FAM171B: variants seen among roughly 807,000 people sequenced by gnomAD.
FAM171B encodes the protein family with sequence similarity 171 member B, also known as protein FAM171B.
Under a neutral mutation model 75.6 loss-of-function variants are expected in FAM171B, and 19 were observed. The ratio of observed to expected loss-of-function variants is 0.25; its 90% CI spans 0.18 to 0.37. FAM171B has a LOEUF of 0.37. Among genes scored for constraint, FAM171B ranks in the 10% least tolerant of loss-of-function variants. The pLI is 1.00. For missense variants in FAM171B, 848 were observed against 982.4 expected, an observed-to-expected ratio of 0.86 and a Z score of 1.83; for synonymous variants, 367 against 361.7, an observed-to-expected ratio of 1.01 and a Z score of -0.17.
intron 1 of FAM171B, among the ~76,000 whole-genome samples, chr2:186,727,541 T>C (rs974646940): frequency 4.6e-5 from 7 of 152,144 alleles, no homozygotes; most frequent in Non-Finnish European, 7.4e-5. Context: ...AGTGTAGCCA[T>C]AGGTAATGTA....
In FAM171B at chr2:186,694,488, T is replaced by C. The variant is rs968465847; in HGVS notation, c.238+77T>C. 18 of 1,502,214 alleles carry C rather than the reference T, an allele frequency of 1.2e-5. No homozygotes were observed. In the Admixed American group the frequency reaches 1.4e-4, roughly 12 times the overall value. The allele number at this position is 1,502,214 out of a possible 1,614,324, so 93.1% of individuals were successfully genotyped here. On this transcript the variant is annotated intron_variant, in intron 1 of 7. Coordinates refer to ENST00000304698, the MANE Select transcript of FAM171B (RefSeq NM_177454.4). Reference sequence around the variant, plus strand: ...AGGGCCTCGCCGGCTTCCTCGCCCCTTCCCTATCCATTCCTATCCTCGTTC... The same window carrying C: ...AGGGCCTCGCCGGCTTCCTCGCCCCCTCCCTATCCATTCCTATCCTCGTTC...
intron 1 of FAM171B, among the ~76,000 whole-genome samples, chr2:186,725,728 G>C (rs1471635003): frequency 6.6e-6 from 1 of 152,184 alleles, no homozygotes; most frequent in Admixed American, 6.5e-5. Flanking sequence ...TGGGCTGAAG[G>C]CTCTTCTGTC....
intron 1 of FAM171B, among the ~76,000 whole-genome samples, chr2:186,705,898 A>G (rs1414589794): frequency 6.6e-6 from 1 of 152,190 alleles, no homozygotes; most frequent in Non-Finnish European, 1.5e-5. Context: ...AAATCGCATG[A>G]CTTGAAATTG....
chr2:186,738,341 G>A lies in FAM171B; in HGVS notation c.239-1887G>A, dbSNP rs113166342. 7.4e-3 allele frequency among the ~76,000 whole-genome samples: 1,119 copies of A among 152,128 alleles called. 15 individuals are homozygous for A. Among genetic ancestry groups the A allele is most frequent in the African/African-American group, 0.026 (1,067 of 41,488 alleles). ...ACACAGACACTGGAGAATATGTAGG[G>A]CAGAGAAGAATTTTATTGAGCAACA... On this transcript the variant is annotated intron_variant, in intron 1 of 7. Transcript: ENST00000304698.
rs750932658 is a variant in FAM171B, at chr2:186,694,372, A to G, written c.199A>G (p.Thr67Ala). Residue 67 changes from threonine (T) to alanine (A), a missense_variant, in exon 1 of 8, where the codon ACA (threonine) becomes GCA (alanine). Physicochemically the swap from Thr to Ala is moderately conservative, Grantham distance 58. Transcript: ENST00000304698. Reference protein sequence around the residue: ...KQLEEAEEERTEVPGATSTLT... With the variant: ...KQLEEAEEERAEVPGATSTLT... ...GCTGGAGGAGGCTGAGGAGGAGAGGACAGAGGTGCCTGGGGCAACCTCCAC... is the reference window on the plus strand; with the variant it reads ...GCTGGAGGAGGCTGAGGAGGAGAGGGCAGAGGTGCCTGGGGCAACCTCCAC... 27 of 1,612,898 alleles carry G rather than the reference A, an allele frequency of 1.7e-5. No individual in the cohort carries two copies. The highest frequency in any genetic ancestry group is 2.2e-5 in the Non-Finnish European group (26 of 1,179,644).
In FAM171B at chr2:186,714,968, A is replaced by G. The variant is rs561889800; in HGVS notation, c.238+20557A>G. Among the ~76,000 whole-genome samples the G allele has an allele frequency of 2.6e-5, 4 of 152,374 alleles. No individual in the cohort carries two copies. The South Asian group carries it at 6.2e-4, about 24-fold the overall frequency. On this transcript the variant is annotated intron_variant, in intron 1 of 7. Coordinates refer to ENST00000304698, the MANE Select transcript of FAM171B (RefSeq NM_177454.4). The stretch of plus-strand genomic sequence containing the variant: ...TCTCAGGCTTTGTCAGAAGAGCAAG[A>G]ATTAGAAAAATTTACTTCAGAGGTG...
chr2:186,740,616 T>C (rs1690276581), intron 2 of FAM171B, among the ~76,000 whole-genome samples, 155 bp downstream of exon 2: 2 of 152,148 alleles, frequency 1.3e-5, no homozygotes, highest in South Asian at 4.1e-4. Flanking sequence ...GAAGAAAACA[T>C]TGTCTTAGTC....
chr2:186,764,214 C>T lies in FAM171B; in HGVS notation c.*1391C>T, dbSNP rs968548715. 6.6e-6 allele frequency: 1 copy of T among 151,980 alleles called. No individual in the cohort carries two copies. Among genetic ancestry groups the T allele is most frequent in the Admixed American group, 6.6e-5 (1 of 15,226 alleles). 9.4% of individuals were successfully genotyped at this position (151,980 alleles called of 1,614,324 possible). ...CCTAAATTGCTTTATTTTTCATTCC[C>T]TCCTATTCAACATGGGAGCAGCATA... On this transcript the variant is annotated 3_prime_UTR_variant, in exon 8 of 8. Transcript: ENST00000304698.
Position 186,761,518 on chromosome 2 carries a change from C to T in FAM171B, c.1176C>T (p.Ile392=). Residue 392 remains isoleucine, a synonymous_variant, in exon 8 of 8, where the codon ATC becomes ATT. Transcript: ENST00000304698. The part of the protein sequence containing the change: ...CGTPQKRERN[I]TKLEVLKRDQ... ...CTCCACAGAAAAGAGAAAGAAATAT[C>T]ACTAAACTTGAGGTCCTCAAGAGAG... 1.3e-6 allele frequency: 2 copies of T among 1,588,724 alleles called. No individual in the cohort carries two copies. The highest frequency in any genetic ancestry group is 8.5e-7 in the Non-Finnish European group (1 of 1,172,808).
At chr2:186,761,063 G>T in intron 6 of FAM171B, 50 bp from the exon 7 acceptor site, 1 of 1,565,454 alleles carries the variant, frequency 6.4e-7, no homozygotes, top group African/African-American at 1.4e-5. Flanking sequence ...ACATAGTTGA[G>T]AATTTGATCT....
At chr2:186,701,544 A>G (rs1359213594) in intron 1 of FAM171B, among the ~76,000 whole-genome samples, 2 of 152,176 alleles carry the variant, frequency 1.3e-5, no homozygotes, top group African/African-American at 4.8e-5. Flanking sequence ...CATCCATGAA[A>G]GCACTTATTT....
At chr2:186,741,626 GA>G (rs935503876) in intron 2 of FAM171B, among the ~76,000 whole-genome samples, 1 of 152,020 alleles carries the variant, frequency 6.6e-6, no homozygotes, top group Non-Finnish European at 1.5e-5. Flanking sequence ...TACACACTTA[GA>G]TTTTTTTACC....
intron 1 of FAM171B, among the ~76,000 whole-genome samples, chr2:186,722,006 A>G (rs1689960884): frequency 6.6e-6 from 1 of 152,162 alleles, no homozygotes; most frequent in Non-Finnish European, 1.5e-5. Flanking sequence ...ATTTATTTTC[A>G]TGAAGTATTT....
At position 186,694,266 on chromosome 2, in the gene FAM171B, A is replaced by G; in HGVS notation, c.93A>G (p.Arg31=). 6.2e-7 allele frequency: 1 copy of G among 1,611,760 alleles called. No individual in the cohort carries two copies. Among genetic ancestry groups the G allele is most frequent in the Middle Eastern group, 1.7e-4 (1 of 6,054 alleles). Residue 31 remains arginine, a synonymous_variant, in exon 1 of 8, where the codon AGA becomes AGG. Coordinates refer to ENST00000304698, the MANE Select transcript of FAM171B (RefSeq NM_177454.4). The part of the protein sequence containing the change: ...LKARLVPAAA[R]AELSRSDLSL... Reference sequence around the variant, plus strand: ...CGCGGCTGGTCCCCGCGGCCGCCAGAGCGGAACTCAGCCGCTCCGACCTCA... The same window carrying G: ...CGCGGCTGGTCCCCGCGGCCGCCAGGGCGGAACTCAGCCGCTCCGACCTCA...
intron 3 of FAM171B, among the ~76,000 whole-genome samples, chr2:186,745,465 G>A (rs977619402): frequency 2.0e-5 from 3 of 152,212 alleles, no homozygotes; most frequent in Admixed American, 6.5e-5. Flanking sequence ...GCCTTGGCAG[G>A]TTTCCGTGAG....
chr2:186,710,800 T>C (rs1689800445), intron 1 of FAM171B, among the ~76,000 whole-genome samples: 1 of 152,168 alleles, frequency 6.6e-6, no homozygotes, highest in African/African-American at 2.4e-5. Context: ...ACATTGGAAT[T>C]GGGTAATGAA....
chr2:186,749,504 T>C (rs1005201380), intron 4 of FAM171B, among the ~76,000 whole-genome samples: 21 of 152,212 alleles, frequency 1.4e-4, no homozygotes, highest in African/African-American at 5.1e-4. Context: ...GCCTATAAAA[T>C]ATGTATGGCA....
chr2:186,733,501 C>G (rs1690150212), intron 1 of FAM171B, among the ~76,000 whole-genome samples: 1 of 152,186 alleles, frequency 6.6e-6, no homozygotes, highest in Non-Finnish European at 1.5e-5. Flanking sequence ...GCTGGTGGCT[C>G]CTTTGCCCAA....
chr2:186,701,418 G>A (rs531606947), intron 1 of FAM171B, among the ~76,000 whole-genome samples: 46 of 152,122 alleles, frequency 3.0e-4, no homozygotes, highest in African/African-American at 1.0e-3. Context: ...TCTAACTATA[G>A]TCCTCATGCT....
Sources: gnomAD v4.1 joint callset for allele counts (sites outside exome capture counted in the v4.1 genomes callset) on GRCh38, gnomAD v4.1.1 for gene constraint, MANE v1.5 for transcripts, NCBI Gene and HGNC (gene_info 2026-07-23, HGNC 2026-07-21) for gene names.